Variants in CFAP20DC observed in about 807,000 individuals in gnomAD.
CFAP20DC encodes protein CFAP20DC.
A neutral mutation model predicts 101.7 loss-of-function variants in CFAP20DC; 84 were observed. That is an observed-to-expected ratio of 0.83 (90% CI 0.69 to 0.99). CFAP20DC has a LOEUF of 0.99. Among genes scored for constraint, CFAP20DC ranks in the 50% least tolerant of loss-of-function variants. The probability of loss-of-function intolerance (pLI) is 0.00; values close to 1 mark genes in which losing one functional copy is unlikely to be tolerated. For synonymous variants in CFAP20DC, 359 were observed against 351.2 expected (o/e 1.02, Z -0.25); for missense variants, 1,007 against 970.3 (o/e 1.04, Z -0.50).
intron 4 of CFAP20DC, among the ~76,000 whole-genome samples, chr3:58,968,054 T>A (rs1292539653): frequency 6.6e-6 from 1 of 152,256 alleles, no homozygotes; most frequent in African/African-American, 2.4e-5. Context: ...TTCTTTTTTA[T>A]GGCTGCATAG....
intron 4 of CFAP20DC, among the ~76,000 whole-genome samples, chr3:58,955,199 G>C (rs1192101860): frequency 6.6e-6 from 1 of 151,996 alleles, no homozygotes; most frequent in African/African-American, 2.4e-5. Flanking sequence ...CCCTCTGCAA[G>C]TACACCAATT....
chr3:58,923,168 T>C (rs1266739039), intron 5 of CFAP20DC, among the ~76,000 whole-genome samples: 1 of 151,998 alleles, frequency 6.6e-6, no homozygotes, highest in Non-Finnish European at 1.5e-5. Context: ...CAGCCTCCCA[T>C]AGTGCTGGGA....
chr3:58,844,554 T>A (rs1210046143), intron 13 of CFAP20DC, among the ~76,000 whole-genome samples: 6 of 133,428 alleles, frequency 4.5e-5, no homozygotes, highest in Non-Finnish European at 7.7e-5. Context: ...CTCCCACACA[T>A]TAATAATGGG....
chr3:59,016,429 C>T (rs1576725718), intron 4 of CFAP20DC, among the ~76,000 whole-genome samples: 1 of 152,100 alleles, frequency 6.6e-6, no homozygotes, highest in East Asian at 1.9e-4. Flanking sequence ...TACAAAACTA[C>T]AGCTAGATAG....
In CFAP20DC at chr3:58,864,201, C is replaced by A. The variant is rs2079487300; in HGVS notation, c.1259-309G>T. 6.6e-6 allele frequency among the ~76,000 whole-genome samples: 1 copy of A among 152,134 alleles called. No homozygotes were observed. Among genetic ancestry groups the A allele is most frequent in the Non-Finnish European group, 1.5e-5 (1 of 68,014 alleles). On this transcript the variant is annotated intron_variant, in intron 11 of 16. Transcript: ENST00000482387. This position sits in a 1 kb window ranked among gnomAD's most constrained non-coding sequence, Gnocchi z 4.7. ...CTTGAACTCCTGACTTCATGATCTG[C>A]CCGCCTCGGCCTCCCAAAAAGCTGG...
At chr3:58,720,621 G>C (rs955387260) in intron 3 of CFAP20DC, among the ~76,000 whole-genome samples, 23 of 152,158 alleles carry the variant, frequency 1.5e-4, no homozygotes, top group African/African-American at 5.5e-4. Flanking sequence ...CTGGTGCTTT[G>C]AGGAATTTGG....
chr3:59,020,774 C>T (rs1228900797), intron 4 of CFAP20DC, among the ~76,000 whole-genome samples: 2 of 152,054 alleles, frequency 1.3e-5, no homozygotes, highest in Non-Finnish European at 2.9e-5. Flanking sequence ...CTCTTCTGCT[C>T]TCACCTTATG....
intron 4 of CFAP20DC, among the ~76,000 whole-genome samples, chr3:59,020,294 A>T (rs970279219): frequency 2.0e-5 from 3 of 151,970 alleles, no homozygotes; most frequent in Non-Finnish European, 4.4e-5. Context: ...GATCCCAAAG[A>T]GTTGAGAATT....
chr3:58,780,869 C>G (rs2071765561), intron 15 of CFAP20DC, among the ~76,000 whole-genome samples: 1 of 151,938 alleles, frequency 6.6e-6, no homozygotes, highest in African/African-American at 2.4e-5. Context: ...CAGCATTAGT[C>G]AGATCATCTA....
chr3:58,835,181 G>C (rs2076654304), intron 13 of CFAP20DC, among the ~76,000 whole-genome samples: 1 of 152,132 alleles, frequency 6.6e-6, no homozygotes, highest in African/African-American at 2.4e-5. Flanking sequence ...TCGTCATGGA[G>C]TTCACAGTCT....
At chr3:58,844,852 A>G (rs1397149939) in intron 13 of CFAP20DC, among the ~76,000 whole-genome samples, 2 of 141,380 alleles carry the variant, frequency 1.4e-5, no homozygotes, top group Non-Finnish European at 3.0e-5. Context: ...CTCAGGATTA[A>G]GAATCTCACT....
chr3:58,946,479 C>G (rs558817373), intron 4 of CFAP20DC, among the ~76,000 whole-genome samples: 1 of 152,136 alleles, frequency 6.6e-6, no homozygotes, highest in African/African-American at 2.4e-5. Context: ...AATGTCACCC[C>G]TAAGTTCCAA....
rs543117141 is a variant in CFAP20DC at position 58,898,521 on chromosome 3, T to C, written c.551-13812A>G. On this transcript the variant is annotated intron_variant, in intron 6 of 16. Transcript: ENST00000482387. ...CATTGTGAAGTTCTCATGTTGTGTT[T>C]TTCACCTCCATCAGTTCAGTTACGT... Among the ~76,000 whole-genome samples the C allele has an allele frequency of 2.0e-5, 3 of 152,318 alleles. No individual in the cohort carries two copies. The East Asian group carries it at 5.8e-4, about 29-fold the overall frequency.
At position 59,017,573 on chromosome 3, in the gene CFAP20DC, CA is replaced by C. The variant is rs1454292825; in HGVS notation, c.278+21983del. 4 of 152,156 alleles carry C rather than the reference CA, an allele frequency of 2.6e-5. No homozygotes were observed. The East Asian group carries it at 7.7e-4, about 29-fold the overall frequency. The allele number at this position is 152,156 out of a possible 1,614,324, so 9.4% of individuals were successfully genotyped here. A position where few individuals can be genotyped will look rare whatever the true frequency, so the allele number is the denominator to read the frequency against. On this transcript the variant is annotated intron_variant, in intron 4 of 16. Coordinates refer to ENST00000482387, the MANE Select transcript of CFAP20DC (RefSeq NM_001394063.1). ...GTTCCATCACCGAGCTGAGGAGAAA[CA>C]AACAAAACAAAAAACCCTACATCCA...
intron 6 of CFAP20DC, among the ~76,000 whole-genome samples, chr3:58,907,715 G>A (rs1017769225): frequency 6.6e-6 from 1 of 152,144 alleles, no homozygotes; most frequent in African/African-American, 2.4e-5. Flanking sequence ...TACACACTTT[G>A]TGTTTGCACT....
Position 58,834,839 on chromosome 3 carries a change from A to G in CFAP20DC, c.1972-2950T>C, listed in dbSNP as rs1284260039. On this transcript the variant is annotated intron_variant, in intron 13 of 16. Coordinates refer to ENST00000482387, the MANE Select transcript of CFAP20DC (RefSeq NM_001394063.1). ...TTTTTGAATGTGTACTTTGTAATAT[A>G]TGTTTATTTATGAACTAAATATATG... is the stretch of plus-strand genomic sequence containing the variant. 2.0e-5 allele frequency among the ~76,000 whole-genome samples: 3 copies of G among 152,194 alleles called. No individual in the cohort carries two copies. The East Asian group carries it at 5.8e-4, about 29-fold the overall frequency.
intron 3 of CFAP20DC, among the ~76,000 whole-genome samples, chr3:59,041,378 C>T (rs563873705): frequency 3.9e-5 from 6 of 152,166 alleles, no homozygotes; most frequent in African/African-American, 1.4e-4. Flanking sequence ...AAACGTTTCA[C>T]TTCTAAGATT....
At chr3:58,780,385 A>G (rs2071715571) in intron 15 of CFAP20DC, among the ~76,000 whole-genome samples, 1 of 152,132 alleles carries the variant, frequency 6.6e-6, no homozygotes, top group South Asian at 2.1e-4. Flanking sequence ...GGAACAAAGG[A>G]TATGTAAAAC....
At chr3:58,845,304 G>A (rs1006175191) in intron 13 of CFAP20DC, among the ~76,000 whole-genome samples, 40 of 151,856 alleles carry the variant, frequency 2.6e-4, no homozygotes, top group African/African-American at 9.4e-4. Flanking sequence ...GAATCAAATA[G>A]ATGCAATAAA....
Sources: allele counts gnomAD v4.1 joint callset (sites outside exome capture counted in the v4.1 genomes callset), GRCh38; gene constraint gnomAD v4.1.1; non-coding constraint Gnocchi (gnomAD v3.1); transcripts MANE v1.5; gene names NCBI Gene and HGNC (gene_info 2026-07-23, HGNC 2026-07-21).